The following CNTLN variants were observed in gnomAD, a reference collection of about 807,000 sequenced individuals.
CNTLN encodes the protein centlein.
In CNTLN, 212 loss-of-function variants were observed where a neutral mutation model predicts 180.0. The ratio of observed to expected loss-of-function variants is 1.18; its 90% CI spans 1.05 to 1.32. The LOEUF is 1.32. CNTLN is among the 40% of genes most tolerant of loss of function. The pLI is 0.00. For missense variants in CNTLN, 2,095 were observed against 1,610.9 expected (o/e 1.30, Z -5.14); for synonymous variants, 722 against 563.1 (o/e 1.28, Z -3.99).
intron 7 of CNTLN, chr9:17,300,251 A>G (rs1275336330): frequency 6.6e-6 from 1 of 152,184 alleles, no homozygotes; most frequent in East Asian, 1.9e-4. Context: ...CTGGTGCTCA[A>G]AAATGTTTTG....
intron 5 of CNTLN, among the ~76,000 whole-genome samples, chr9:17,255,804 GT>G (rs1826446057): frequency 6.6e-6 from 1 of 151,742 alleles, no homozygotes; most frequent in Admixed American, 6.6e-5. Flanking sequence ...TTGTTGATAG[GT>G]TTTTGATTAC....
intron 14 of CNTLN, among the ~76,000 whole-genome samples, chr9:17,392,822 G>T (rs1826215787): frequency 6.6e-6 from 1 of 151,640 alleles, no homozygotes. Context: ...TAATATAGAA[G>T]GATGTGTAAA....
intron 12 of CNTLN, among the ~76,000 whole-genome samples, chr9:17,343,983 A>G (rs1163557722): frequency 1.3e-5 from 2 of 152,204 alleles, no homozygotes; most frequent in African/African-American, 4.8e-5. Flanking sequence ...AACGTTTTCA[A>G]GGTTCATCCA....
intron 12 of CNTLN, among the ~76,000 whole-genome samples, chr9:17,362,260 G>T (rs1008058849): frequency 3.9e-5 from 6 of 152,126 alleles, no homozygotes; most frequent in African/African-American, 1.2e-4. Context: ...TTTCTTTGTG[G>T]GGCCATCTTG....
At chr9:17,319,811 G>T (rs1275373288) in intron 8 of CNTLN, among the ~76,000 whole-genome samples, 1 of 151,978 alleles carries the variant, frequency 6.6e-6, no homozygotes, top group Non-Finnish European at 1.5e-5. Context: ...TCTTATATTG[G>T]TGGGGATTTA....
At chr9:17,423,748 G>A (rs1467293226) in intron 18 of CNTLN, among the ~76,000 whole-genome samples, 2 of 152,144 alleles carry the variant, frequency 1.3e-5, no homozygotes, top group Non-Finnish European at 2.9e-5. Context: ...CTCTAGGGCG[G>A]GGATAGTTTA....
chr9:17,350,039 C>G (rs1488396005), intron 12 of CNTLN, among the ~76,000 whole-genome samples: 1 of 152,298 alleles, frequency 6.6e-6, no homozygotes, highest in East Asian at 1.9e-4. Context: ...AAGTTGTTGC[C>G]TTACCAATGC....
chr9:17,141,843 G>C (rs1020452555), intron 1 of CNTLN, among the ~76,000 whole-genome samples: 2 of 152,074 alleles, frequency 1.3e-5, no homozygotes. Flanking sequence ...CAGCACTTTG[G>C]GAGGCCGAGG....
the CNTLN span, among the ~76,000 whole-genome samples, chr9:17,526,873 T>C: frequency 1.3e-5 from 2 of 151,944 alleles, no homozygotes; most frequent in African/African-American, 4.8e-5. Flanking sequence ...GGCGGAGTCT[T>C]GCTGTGTCAC....
chr9:17,393,254 A>G (rs1466881378), intron 14 of CNTLN, among the ~76,000 whole-genome samples: 3 of 152,268 alleles, frequency 2.0e-5, no homozygotes, highest in African/African-American at 7.2e-5. Flanking sequence ...TCATCATGCC[A>G]TCAAACTAGT....
chr9:17,213,931 T>G (rs1279992682), intron 2 of CNTLN, among the ~76,000 whole-genome samples: 2 of 152,172 alleles, frequency 1.3e-5, no homozygotes, highest in Non-Finnish European at 2.9e-5. Context: ...TTCCCTTTAT[T>G]TTGAGCGTAT....
chr9:17,148,538 C>T (rs1418939074), intron 2 of CNTLN, among the ~76,000 whole-genome samples: 2 of 152,192 alleles, frequency 1.3e-5, no homozygotes, highest in South Asian at 4.1e-4. Flanking sequence ...TGTTTTCTCC[C>T]TATGGCATGT....
At chr9:17,480,957 G>A (rs1304695426) in intron 23 of CNTLN, among the ~76,000 whole-genome samples, 1 of 152,190 alleles carries the variant, frequency 6.6e-6, no homozygotes, top group Non-Finnish European at 1.5e-5. Flanking sequence ...AAACAAATTT[G>A]TCAAGTCCTT....
chr9:17,360,107 G>A (rs186786945), intron 12 of CNTLN, among the ~76,000 whole-genome samples: 42 of 152,154 alleles, frequency 2.8e-4, no homozygotes, highest in African/African-American at 9.4e-4. Flanking sequence ...TGCTTTTGCT[G>A]TGCCTTACAA....
intron 21 of CNTLN, 135 bp from the exon 22 acceptor site, chr9:17,465,846 T>C: frequency 1.5e-6 from 1 of 664,928 alleles, no homozygotes; most frequent in East Asian, 3.0e-5. Context: ...GTAAGTATAA[T>C]ACTTGAATTT....
intron 5 of CNTLN, among the ~76,000 whole-genome samples, chr9:17,271,239 C>G (rs1333156940): frequency 6.6e-6 from 1 of 152,036 alleles, no homozygotes; most frequent in East Asian, 1.9e-4. Flanking sequence ...CCGCGCCCAG[C>G]ACTATTTTTG....
At chr9:17,354,448 T>C (rs1437245497) in intron 12 of CNTLN, among the ~76,000 whole-genome samples, 1 of 152,094 alleles carries the variant, frequency 6.6e-6, no homozygotes, top group Non-Finnish European at 1.5e-5. Flanking sequence ...TCAGGGATTG[T>C]AAATATACAC....
chr9:17,324,538 A>AT (rs1299870422), intron 8 of CNTLN, among the ~76,000 whole-genome samples: 1 of 152,096 alleles, frequency 6.6e-6, no homozygotes, highest in African/African-American at 2.4e-5. Flanking sequence ...AATATTACTA[A>AT]TTTTTGTCAG....
At position 17,169,727 on chromosome 9, in the gene CNTLN, T is replaced by C. The variant is rs185358071; in HGVS notation, c.449+26351T>C. ...TTGACCATTTGTGTATGGATTTTTTTCAGATTCTCTATTCTGTTCAATTGG... is the reference window on the plus strand; with the variant it reads ...TTGACCATTTGTGTATGGATTTTTTCCAGATTCTCTATTCTGTTCAATTGG... On this transcript the variant is annotated intron_variant, in intron 2 of 25. Coordinates refer to ENST00000380647, the MANE Select transcript of CNTLN (RefSeq NM_017738.4). 9.9e-4 allele frequency among the ~76,000 whole-genome samples: 151 copies of C among 152,340 alleles called. 3 individuals are homozygous for C. The highest frequency in any genetic ancestry group is 3.6e-3 in the African/African-American group (149 of 41,590).
Sources: gnomAD v4.1 joint callset for allele counts (sites outside exome capture counted in the v4.1 genomes callset) on GRCh38, gnomAD v4.1.1 for gene constraint, MANE v1.5 for transcripts, NCBI Gene and HGNC (gene_info 2026-07-23, HGNC 2026-07-21) for gene names.